WWOX: variants seen among roughly 807,000 people sequenced by gnomAD.
The protein encoded by WWOX is WW domain-containing oxidoreductase.
In WWOX, 69 loss-of-function variants were observed where a neutral mutation model predicts 46.2. The ratio of observed to expected loss-of-function variants is 1.49; its 90% CI spans 1.23 to 1.82. The LOEUF is 1.82. Ranked by LOEUF, WWOX falls within the 40% of genes most tolerant of loss-of-function variation. The pLI is 0.00. For missense variants in WWOX, 919 were observed against 542.6 expected (o/e 1.69, Z -6.89); for synonymous variants, 359 against 202.6 (o/e 1.77, Z -6.56).
chr16:79,211,929 A>G lies in WWOX; in HGVS notation c.*133A>G. ...AGTAAAGGAAATAAGAGCAGTCACA[A>G]CAGAGTGAAAAATCTTAAGTACCAA... is the stretch of plus-strand genomic sequence containing the variant. On this transcript the variant is annotated 3_prime_UTR_variant, in exon 9 of 9. Transcript: ENST00000566780. 3.2e-6 allele frequency: 5 copies of G among 1,538,962 alleles called. No homozygotes were observed. Among genetic ancestry groups the G allele is most frequent in the Non-Finnish European group, 4.4e-6 (5 of 1,147,540 alleles).
intron 8 of WWOX, among the ~76,000 whole-genome samples, chr16:78,915,356 C>T (rs1272788098): frequency 6.6e-6 from 1 of 152,114 alleles, no homozygotes; most frequent in Admixed American, 6.6e-5. Flanking sequence ...TTCAAAAGAC[C>T]CCTTTCACGG....
intron 8 of WWOX, among the ~76,000 whole-genome samples, chr16:78,998,154 G>A (rs572497257): frequency 6.6e-6 from 1 of 152,342 alleles, no homozygotes; most frequent in South Asian, 2.1e-4. Flanking sequence ...TGGGATTACA[G>A]GCATGAGCCA....
chr16:79,189,149 C>T (rs770742613), intron 8 of WWOX, among the ~76,000 whole-genome samples: 3 of 152,118 alleles, frequency 2.0e-5, no homozygotes, highest in Admixed American at 6.6e-5. Flanking sequence ...GGACATTGGA[C>T]TTTCTGTTTC....
At chr16:78,238,389 T>G (rs1482260310) in intron 5 of WWOX, among the ~76,000 whole-genome samples, 1 of 151,992 alleles carries the variant, frequency 6.6e-6, no homozygotes, top group East Asian at 1.9e-4. Flanking sequence ...AGCCTCGACC[T>G]CCCGGGCTCA....
intron 5 of WWOX, among the ~76,000 whole-genome samples, chr16:78,330,674 C>T (rs148426924): frequency 5.6e-4 from 85 of 152,324 alleles, no homozygotes; most frequent in African/African-American, 1.8e-3. Flanking sequence ...GGATTATAGG[C>T]GTGAACCACC....
chr16:78,213,394 T>C lies in WWOX; in HGVS notation c.516+49105T>C, dbSNP rs1429103891. On this transcript the variant is annotated intron_variant, in intron 5 of 8. Transcript: ENST00000566780. ...AAGCACTTCCACTCAGAAATCTTGCTTCTCCCCACAATCCATTGGTGAAAG... is the reference window on the plus strand; with the variant it reads ...AAGCACTTCCACTCAGAAATCTTGCCTCTCCCCACAATCCATTGGTGAAAG... Among the ~76,000 whole-genome samples, 5 of 151,960 alleles carry C rather than the reference T, an allele frequency of 3.3e-5. No individual in the cohort carries two copies. The East Asian group carries it at 9.7e-4, about 29-fold the overall frequency.
intron 8 of WWOX, among the ~76,000 whole-genome samples, chr16:78,508,859 G>T (rs1275434868): frequency 1.3e-5 from 2 of 152,192 alleles, no homozygotes; most frequent in African/African-American, 4.8e-5. Context: ...CTTGGTCTCT[G>T]TCAAACCTAC....
At chr16:78,546,899 G>T (rs1483980445) in intron 8 of WWOX, among the ~76,000 whole-genome samples, 1 of 152,062 alleles carries the variant, frequency 6.6e-6, no homozygotes, top group African/African-American at 2.4e-5. Flanking sequence ...GGCTGAGGCG[G>T]GTGGATCACT....
In WWOX at chr16:78,919,478, C is replaced by A. The variant is rs116673339; in HGVS notation, c.1057-292130C>A. ...ACTACCTTCTAACAGCAATCAGTCC[C>A]CTTAAGTGGCTTTCTTCTCTTTTTT... On this transcript the variant is annotated intron_variant, in intron 8 of 8. Transcript: ENST00000566780. Among the ~76,000 whole-genome samples the A allele has an allele frequency of 5.9e-3, 895 of 151,806 alleles. 9 individuals are homozygous for A. The highest frequency in any genetic ancestry group is 0.02 in the African/African-American group (848 of 41,400).
chr16:78,131,820 G>T (rs537351411), intron 4 of WWOX, among the ~76,000 whole-genome samples: 5 of 151,566 alleles, frequency 3.3e-5, no homozygotes, highest in African/African-American at 1.2e-4. Flanking sequence ...TCCTGACCTC[G>T]TGATCCTCCT....
intron 8 of WWOX, among the ~76,000 whole-genome samples, chr16:78,472,121 T>G (rs571494662): frequency 3.3e-5 from 5 of 152,280 alleles, no homozygotes; most frequent in African/African-American, 1.2e-4. Context: ...AAGCTCAAGG[T>G]TAAAACAGGA....
At chr16:78,642,533 T>C (rs1437252678) in intron 8 of WWOX, among the ~76,000 whole-genome samples, 1 of 152,138 alleles carries the variant, frequency 6.6e-6, no homozygotes, top group African/African-American at 2.4e-5. Context: ...CCTCAGTTAT[T>C]TGTTCCTGTG....
intron 8 of WWOX, among the ~76,000 whole-genome samples, chr16:79,169,686 C>T (rs942294174): frequency 1.3e-5 from 2 of 152,176 alleles, no homozygotes; most frequent in Admixed American, 1.3e-4. Context: ...AGACAAATTG[C>T]AGTTTAGAAT....
chr16:78,294,009 A>AAAAGG (rs1567482514), intron 5 of WWOX, among the ~76,000 whole-genome samples: 1 of 150,948 alleles, frequency 6.6e-6, no homozygotes, highest in African/African-American at 2.4e-5. Flanking sequence ...AAAAAAAAAA[A>AAAAGG]AGGCTTTCCT....
intron 8 of WWOX, among the ~76,000 whole-genome samples, chr16:78,864,494 C>A (rs181619160): frequency 6.6e-6 from 1 of 152,072 alleles, no homozygotes; most frequent in Non-Finnish European, 1.5e-5. Context: ...ATCTTACACT[C>A]CTGGGATCAG....
intron 8 of WWOX, among the ~76,000 whole-genome samples, chr16:78,941,593 A>G (rs2045853029): frequency 6.6e-6 from 1 of 152,064 alleles, no homozygotes; most frequent in African/African-American, 2.4e-5. Flanking sequence ...ATCTTCCCAC[A>G]GTGAGGTACA....
intron 5 of WWOX, among the ~76,000 whole-genome samples, chr16:78,306,843 A>G (rs2076800798): frequency 6.6e-6 from 1 of 151,328 alleles, no homozygotes; most frequent in African/African-American, 2.4e-5. Flanking sequence ...ACTCCTTCCC[A>G]CAATCCCCAC....
chr16:78,561,628 G>C (rs536037632), intron 8 of WWOX, among the ~76,000 whole-genome samples: 2 of 152,080 alleles, frequency 1.3e-5, no homozygotes, highest in South Asian at 4.1e-4. Flanking sequence ...GATATTTGGA[G>C]AGACTTTTTC....
At chr16:78,904,213 C>G (rs2044901189) in intron 8 of WWOX, among the ~76,000 whole-genome samples, 1 of 145,062 alleles carries the variant, frequency 6.9e-6, no homozygotes, top group African/African-American at 2.5e-5. Flanking sequence ...GATGTCATCA[C>G]TTAGATGATC....
Sources: allele counts gnomAD v4.1 joint callset (sites outside exome capture counted in the v4.1 genomes callset), GRCh38; gene constraint gnomAD v4.1.1; transcripts MANE v1.5; gene names NCBI Gene and HGNC (gene_info 2026-07-23, HGNC 2026-07-21).